The following OSCP1 variants were observed in gnomAD, a reference collection of about 807,000 sequenced individuals.
The protein encoded by OSCP1 is protein OSCP1.
A neutral mutation model predicts 45.1 loss-of-function variants in OSCP1; 35 were observed. The ratio of observed to expected loss-of-function variants is 0.78; its 90% CI spans 0.59 to 1.03. The LOEUF (loss-of-function observed/expected upper bound fraction) is 1.03, where lower values mean the gene tolerates loss of function less well. OSCP1 is among the 50% of genes least tolerant of loss of function. The pLI is 0.00. For synonymous variants in OSCP1, 179 were observed against 180.1 expected, an observed-to-expected ratio of 0.99 and a Z score of 0.05; for missense variants, 400 against 470.7, an observed-to-expected ratio of 0.85 and a Z score of 1.39.
At chr1:36,427,481 G>C (rs1648049538) in intron 4 of OSCP1, among the ~76,000 whole-genome samples, 1 of 150,738 alleles carries the variant, frequency 6.6e-6, no homozygotes, top group Admixed American at 6.6e-5. Context: ...ATCACGCCCA[G>C]CTAATTTTTG....
At position 36,422,816 on chromosome 1, in the gene OSCP1, C is replaced by G; in HGVS notation, c.701G>C (p.Gly234Ala). The G allele has an allele frequency of 1.2e-6, 2 of 1,607,192 alleles. No homozygotes were observed. The highest frequency in any genetic ancestry group is 1.7e-6 in the Non-Finnish European group (2 of 1,176,270). Residue 234 changes from glycine (G) to alanine (A), a missense_variant, in exon 6 of 10, where the codon GGT (glycine) becomes GCT (alanine). Physicochemically the swap from Gly to Ala is moderately conservative, Grantham distance 60. Transcript: ENST00000235532. ...TCGGTCTCCATAAAGTTCAAAAGAACCTTCTTTGGGTGCAGGGACATAGTT... is the reference window on the plus strand; with the variant it reads ...TCGGTCTCCATAAAGTTCAAAAGAAGCTTCTTTGGGTGCAGGGACATAGTT... ...GGNYVPAPKEGSFELYGDRVL... is the reference protein window; with the variant it reads ...GGNYVPAPKEASFELYGDRVL...
At position 36,447,268 on chromosome 1, in the gene OSCP1, C is replaced by T. The variant is rs1649601743; in HGVS notation, c.112+2990G>A. Among the ~76,000 whole-genome samples the T allele has an allele frequency of 6.6e-6, 1 of 152,082 alleles. No homozygotes were observed. The highest frequency in any genetic ancestry group is 2.4e-5 in the African/African-American group (1 of 41,408). The stretch of plus-strand genomic sequence containing the variant: ...GCCCGTTGAATCCTATGCTCTCTAC[C>T]CTGTTTTCTCACTCTATCTTCTACA... On this transcript the variant is annotated intron_variant, in intron 1 of 9. Coordinates refer to ENST00000235532, the MANE Select transcript of OSCP1 (RefSeq NM_145047.5). This position sits in a 1 kb window ranked among gnomAD's most constrained non-coding sequence, Gnocchi z 4.1.
chr1:36,431,332 G>A lies in OSCP1; in HGVS notation c.516+470C>T, dbSNP rs534250369. ...GGAGTAAGGTTTGGAGACAGATGGC[G>A]GGAGAGGAAGGAGTAAGAGGCATTG... On this transcript the variant is annotated intron_variant, in intron 4 of 9. Coordinates refer to ENST00000235532, the MANE Select transcript of OSCP1 (RefSeq NM_145047.5). Among the ~76,000 whole-genome samples the A allele has an allele frequency of 1.1e-4, 17 of 152,134 alleles. No homozygotes were observed. In the South Asian group the frequency reaches 1.5e-3, roughly 13 times the overall value.
intron 7 of OSCP1, 34 bp from the exon 8 acceptor site, chr1:36,420,649 G>GAAGGC (rs1341584242): frequency 6.2e-7 from 1 of 1,609,302 alleles, no homozygotes; most frequent in Admixed American, 1.7e-5. Flanking sequence ...TTAGCCACAT[G>GAAGGC]AAGGCAATCA....
chr1:36,430,902 A>T (rs1648321700), intron 4 of OSCP1, among the ~76,000 whole-genome samples: 1 of 152,072 alleles, frequency 6.6e-6, no homozygotes, highest in Non-Finnish European at 1.5e-5. Flanking sequence ...TGATCTGCCC[A>T]CCTTGTCCTC....
At chr1:36,419,345 A>C (rs1647474725) in intron 8 of OSCP1, 1 of 450,186 alleles carries the variant, frequency 2.2e-6, no homozygotes, top group African/African-American at 2.0e-5. Context: ...CTGCCAGTGC[A>C]AAGTCAGTCA....
chr1:36,421,766 A>G (rs115506904), intron 7 of OSCP1, among the ~76,000 whole-genome samples: 1,983 of 152,240 alleles, frequency 0.013, 55 homozygotes, highest in African/African-American at 0.045. Flanking sequence ...AAAACCCCCC[A>G]CTCTGACTTA....
intron 7 of OSCP1, among the ~76,000 whole-genome samples, chr1:36,421,032 T>C (rs1647589513): frequency 1.3e-5 from 2 of 151,908 alleles, no homozygotes. Context: ...CTCGAGTCCA[T>C]TCCCTCCTCT....
chr1:36,446,198 T>G (rs1045240022), intron 1 of OSCP1, among the ~76,000 whole-genome samples: 1 of 151,568 alleles, frequency 6.6e-6, no homozygotes, highest in Non-Finnish European at 1.5e-5. Flanking sequence ...AATTTTTGTA[T>G]TTTTTGTAGA....
chr1:36,441,083 C>T (rs1649109870), intron 1 of OSCP1: 1 of 152,254 alleles, frequency 6.6e-6, no homozygotes, highest in South Asian at 2.1e-4. Context: ...AGTGAAGAAG[C>T]TCTGGAGCAC....
chr1:36,441,779 T>C (rs1649188217), intron 1 of OSCP1, among the ~76,000 whole-genome samples: 1 of 151,270 alleles, frequency 6.6e-6, no homozygotes, highest in African/African-American at 2.4e-5. Flanking sequence ...AAAAGTAATT[T>C]GTTTTTTATT....
At position 36,432,228 on chromosome 1, in the gene OSCP1, A is replaced by G. The variant is rs372335368; in HGVS notation, c.435+194T>C. 9.8e-5 allele frequency among the ~76,000 whole-genome samples: 15 copies of G among 152,332 alleles called. No homozygotes were observed. The East Asian group carries it at 2.3e-3, about 24-fold the overall frequency. ...TTGCTTTTCCAATTGTGAAGGCATC[A>G]GTAAGAGGACATAAGATGATGATGC... On this transcript the variant is annotated intron_variant, in intron 3 of 9. Transcript: ENST00000235532.
Position 36,417,962 on chromosome 1 carries a change from A to C in OSCP1, c.*177T>G. On this transcript the variant is annotated 3_prime_UTR_variant, in exon 10 of 10. Transcript: ENST00000235532. ...AAAATATGTGTATGTGTGTGCCTTC[A>C]AGAGTGAGTGCTCCTCAAGGGAGAC... 1 of 552,784 alleles carries C rather than the reference A, an allele frequency of 1.8e-6. No homozygotes were observed. The highest frequency in any genetic ancestry group is 2.4e-5 in the South Asian group (1 of 41,546). The allele number at this position is 552,784 out of a possible 1,614,324, so 34.2% of individuals were successfully genotyped here. A position where few individuals can be genotyped will look rare whatever the true frequency, so the allele number is the denominator to read the frequency against.
At position 36,450,412 on chromosome 1, in the gene OSCP1, G is replaced by T. The variant is rs765033327; in HGVS notation, c.-43C>A. On this transcript the variant is annotated 5_prime_UTR_variant, in exon 1 of 10. Transcript: ENST00000235532. ...GGACTGGTGAAGAGCCCCGGGGTTC[G>T]GTAGCCAGTGGCCTGAAGGCCAGGC... The T allele has an allele frequency of 3.3e-6, 5 of 1,528,436 alleles. No individual in the cohort carries two copies. The highest frequency in any genetic ancestry group is 1.4e-5 in the African/African-American group (1 of 73,204). The allele number at this position is 1,528,436 out of a possible 1,614,324, so 94.7% of individuals were successfully genotyped here.
intron 6 of OSCP1, 141 bp from the exon 7 acceptor site, chr1:36,422,360 A>C: frequency 1.3e-6 from 1 of 796,022 alleles, no homozygotes; most frequent in Non-Finnish European, 2.1e-6. Flanking sequence ...AATGCAACTG[A>C]GTGTGTGTTA....
intron 1 of OSCP1, among the ~76,000 whole-genome samples, chr1:36,443,427 C>G (rs1055999760): frequency 6.6e-6 from 1 of 152,208 alleles, no homozygotes; most frequent in African/African-American, 2.4e-5. Context: ...AGGCTTTATT[C>G]TGAGGAGTCG....
intron 2 of OSCP1, among the ~76,000 whole-genome samples, chr1:36,436,331 C>T (rs1292168763): frequency 1.3e-5 from 2 of 151,234 alleles, no homozygotes; most frequent in Admixed American, 6.6e-5. Context: ...AGGATGGTCT[C>T]GATCTCTTGA....
At chr1:36,427,004 CCT>C (rs1648004450) in intron 4 of OSCP1, among the ~76,000 whole-genome samples, 1 of 148,048 alleles carries the variant, frequency 6.8e-6, no homozygotes, top group Non-Finnish European at 1.5e-5. Flanking sequence ...TGGTGCCTGG[CCT>C]CTTTTTTTTT....
chr1:36,431,276 A>T (rs1192914242), intron 4 of OSCP1, among the ~76,000 whole-genome samples: 1 of 152,014 alleles, frequency 6.6e-6, no homozygotes, highest in African/African-American at 2.4e-5. Context: ...GAGGAAGGAG[A>T]TGCCTAATTA....
Sources: gnomAD v4.1 joint callset for allele counts (sites outside exome capture counted in the v4.1 genomes callset) on GRCh38, gnomAD v4.1.1 for gene constraint, Gnocchi (gnomAD v3.1) non-coding constraint, MANE v1.5 for transcripts, NCBI Gene and HGNC (gene_info 2026-07-23, HGNC 2026-07-21) for gene names.